Variants in CEP192 observed in about 807,000 individuals in gnomAD.
CEP192 encodes centrosomal protein 192, also known as centrosomal protein of 192 kDa.
Under a neutral mutation model 271.8 loss-of-function variants are expected in CEP192, and 151 were observed. That is an observed-to-expected ratio of 0.56 (90% CI 0.49 to 0.64). CEP192 has a LOEUF of 0.64. Among genes scored for constraint, CEP192 ranks in the 30% least tolerant of loss-of-function variants. The pLI is 0.00. For missense variants in CEP192, 2,910 were observed against 3,020.5 expected (o/e 0.96, Z 0.86); for synonymous variants, 995 against 1,076.5 (o/e 0.92, Z 1.48).
At chr18:13,011,531 G>GT (rs35197591) in intron 4 of CEP192, among the ~76,000 whole-genome samples, 18 of 151,428 alleles carry the variant, frequency 1.2e-4, no homozygotes, top group Middle Eastern at 3.4e-3. Flanking sequence ...GTTTTGTTTT[G>GT]TTTTTTTTTG....
At chr18:13,025,448 C>T (rs1438259293) in intron 9 of CEP192, among the ~76,000 whole-genome samples, 2 of 152,138 alleles carry the variant, frequency 1.3e-5, no homozygotes, top group African/African-American at 4.8e-5. Context: ...AGCTCCTGGC[C>T]TCAAGTGATT....
In CEP192 at chr18:13,040,830, C is replaced by T. The variant is rs1398219734; in HGVS notation, c.1810C>T (p.Pro604Ser). Residue 604 changes from proline to serine, a missense_variant and splice_region_variant, in exon 14 of 45, where the codon CCA becomes TCA. By Grantham distance (74) the Pro-to-Ser change is moderately conservative (BLOSUM62 -1). Coordinates refer to ENST00000506447, the MANE Select transcript of CEP192 (RefSeq NM_032142.4). ...CLGGGNNVKR[P>S]SFGYFIRSPE... Reference sequence around the variant, plus strand: ...TAATTTACCTTTAATTATTTTGTAGCCATCATTTGGCTATTTTATTAGATC... The same window carrying T: ...TAATTTACCTTTAATTATTTTGTAGTCATCATTTGGCTATTTTATTAGATC... The T allele has an allele frequency of 6.3e-7, 1 of 1,575,404 alleles. No homozygotes were observed. The highest frequency in any genetic ancestry group is 8.6e-7 in the Non-Finnish European group (1 of 1,159,344).
At chr18:13,006,921 G>A (rs776776890) in intron 3 of CEP192, among the ~76,000 whole-genome samples, 24 of 152,092 alleles carry the variant, frequency 1.6e-4, no homozygotes, top group Non-Finnish European at 3.5e-4. Context: ...GTTCACTGTC[G>A]TGTGTGCATG....
At chr18:12,994,592 G>T (rs188166003) in intron 1 of CEP192, among the ~76,000 whole-genome samples, 6 of 152,156 alleles carry the variant, frequency 3.9e-5, no homozygotes, top group Non-Finnish European at 7.3e-5. Context: ...GGGTAAGGTG[G>T]TAGTAATGGA....
At chr18:13,005,199 C>T (rs562270506) in intron 3 of CEP192, among the ~76,000 whole-genome samples, 7 of 152,196 alleles carry the variant, frequency 4.6e-5, no homozygotes, top group Admixed American at 6.5e-5. Flanking sequence ...TTGGGGGTAG[C>T]AATGTCCTCA....
intron 30 of CEP192, among the ~76,000 whole-genome samples, chr18:13,078,751 G>A (rs1301741922): frequency 2.6e-5 from 4 of 152,024 alleles, no homozygotes; most frequent in Middle Eastern, 3.4e-3. Flanking sequence ...CGTCATTTAC[G>A]TTAGGTATAT....
chr18:13,069,169 T>C lies in CEP192; in HGVS notation c.5043T>C (p.Tyr1681=). 1 of 1,613,932 alleles carries C rather than the reference T, an allele frequency of 6.2e-7. No individual in the cohort carries two copies. The highest frequency in any genetic ancestry group is 8.5e-7 in the Non-Finnish European group (1 of 1,179,786). Residue 1681 remains tyrosine, a synonymous_variant, in exon 26 of 45, where the codon TAT becomes TAC. Transcript: ENST00000506447. ...AAAATGCTGGGAACATTGAAGTTTA[T>C]TTGGATATCAAGGTATGCACTTCCA... ...PLKNAGNIEV[Y]LDIKVPEQGS...
intron 40 of CEP192, among the ~76,000 whole-genome samples, chr18:13,110,460 G>C (rs2040160111): frequency 6.6e-6 from 1 of 150,708 alleles, no homozygotes; most frequent in South Asian, 2.1e-4. Context: ...AGGGCACCAA[G>C]ACAGTTCAAT....
intron 21 of CEP192, among the ~76,000 whole-genome samples, chr18:13,065,175 GT>G (rs35939555): frequency 4.9e-4 from 70 of 144,078 alleles, no homozygotes; most frequent in African/African-American, 4.1e-4. Flanking sequence ...TCTAATAGTT[GT>G]TTTTTTTTTT....
intron 9 of CEP192, among the ~76,000 whole-genome samples, chr18:13,028,692 G>C (rs1211355350): frequency 6.6e-6 from 1 of 151,900 alleles, no homozygotes; most frequent in Non-Finnish European, 1.5e-5. Context: ...GCTAATTTTT[G>C]TATTTTTAGT....
rs777810858 is a variant in CEP192 at position 13,042,258 on chromosome 18, A to G, written c.1991A>G (p.Gln664Arg). The G allele has an allele frequency of 6.2e-7, 1 of 1,613,350 alleles. No homozygotes were observed. Among genetic ancestry groups the G allele is most frequent in the African/African-American group, 1.3e-5 (1 of 75,044 alleles). The change falls in exon 15 of 45, where the codon CAG becomes CGG. Residue 664 changes from glutamine to arginine, a missense_variant. Physicochemically the swap from Gln to Arg is conservative, Grantham distance 43 (BLOSUM62 1). Coordinates refer to ENST00000506447, the MANE Select transcript of CEP192 (RefSeq NM_032142.4). ...CTAAGTGAAGGATCAATTACACTTC[A>G]GGTTGAAGCAGTAGAGAGTACTTCA... ...AQLSEGSITL[Q>R]VEAVESTSQV...
chr18:13,055,819 G>T lies in CEP192; in HGVS notation c.3229G>T (p.Gly1077Cys), dbSNP rs2037064359. Residue 1077 changes from glycine to cysteine, a missense_variant, in exon 19 of 45, where the codon GGC (glycine) becomes TGC (cysteine). Gly to Cys is a radical substitution (Grantham distance 159, BLOSUM62 -3). Transcript: ENST00000506447. ...TSELSTTIIQ[G>C]SPAALEERAM... ...CGAGTTGAGTACCACAATTATTCAA[G>T]GCAGTCCAGCCGCATTGGAGGAACG... 2 of 1,600,182 alleles carry T rather than the reference G, an allele frequency of 1.2e-6. No individual in the cohort carries two copies. Among genetic ancestry groups the T allele is most frequent in the Non-Finnish European group, 1.7e-6 (2 of 1,174,396 alleles).
At position 13,124,547 on chromosome 18, in the gene CEP192, C is replaced by T. The variant is rs1446415351; in HGVS notation, c.7476-85C>T. On this transcript the variant is annotated intron_variant, in intron 44 of 44. Transcript: ENST00000506447. The stretch of plus-strand genomic sequence containing the variant: ...TGGCTTGACCGAGCTCTTTCCTCAA[C>T]ACCTGAGCCAGGCACTGTGCTGCCT... The T allele has an allele frequency of 8.2e-6, 11 of 1,344,404 alleles. No individual in the cohort carries two copies. In the East Asian group the frequency reaches 2.1e-4, roughly 26 times the overall value. The allele number at this position is 1,344,404 out of a possible 1,614,324, so 83.3% of individuals were successfully genotyped here. A position where few individuals can be genotyped will look rare whatever the true frequency, so the allele number is the denominator to read the frequency against.
rs747106836 is a variant in CEP192, at chr18:13,087,130, A to T, written c.5730A>T (p.Lys1910Asn). The stretch of plus-strand genomic sequence containing the variant: ...GCTTAGTACCTGGCAAAGAAAGTAA[A>T]ATTGTTTTTTCTGTCCGCAACACTG... ...VNGLVPGKES[K>N]IVFSVRNTGS... The change falls in exon 31 of 45, where the codon AAA (lysine) becomes AAT (asparagine). Residue 1910 changes from lysine to asparagine, a missense_variant. Lys to Asn is a moderately conservative substitution (Grantham distance 94). Coordinates refer to ENST00000506447, the MANE Select transcript of CEP192 (RefSeq NM_032142.4). 3.1e-6 allele frequency: 5 copies of T among 1,614,108 alleles called. No individual in the cohort carries two copies. Among genetic ancestry groups the T allele is most frequent in the Admixed American group, 1.7e-5 (1 of 60,014 alleles).
At chr18:13,083,696 G>A (rs2038746435) in intron 30 of CEP192, among the ~76,000 whole-genome samples, 1 of 152,172 alleles carries the variant, frequency 6.6e-6, no homozygotes, top group African/African-American at 2.4e-5. Flanking sequence ...GAGAAGAGGT[G>A]CTCTGGTTTT....
rs143293076 is a variant in CEP192, at chr18:13,026,051, G to A, written c.1051-3612G>A. On this transcript the variant is annotated intron_variant, in intron 9 of 44. Transcript: ENST00000506447. The stretch of plus-strand genomic sequence containing the variant: ...AAATTTCTTGCAAGGCAGGTCTGCT[G>A]GCAACAAATGCCTTCAATTTTTGCT... Among the ~76,000 whole-genome samples, 290 of 152,286 alleles carry A rather than the reference G, an allele frequency of 1.9e-3. 6 individuals are homozygous for A. In the East Asian group the frequency reaches 0.037, roughly 19 times the overall value.
rs1165782893 is a variant in CEP192 at position 13,015,747 on chromosome 18, AT to A, written c.640+315del. On this transcript the variant is annotated intron_variant, in intron 6 of 44. Coordinates refer to ENST00000506447, the MANE Select transcript of CEP192 (RefSeq NM_032142.4). ...GTTTAGAAATTAGGGGAACCATGAA[AT>A]TTTTTTTTTTTTTTTGAGATGGAAT... Among the ~76,000 whole-genome samples, 331 of 142,954 alleles carry A rather than the reference AT, an allele frequency of 2.3e-3. 1 individual carries two copies. Among genetic ancestry groups the A allele is most frequent in the Admixed American group, 4.1e-3 (58 of 14,188 alleles). 93.8% of individuals were successfully genotyped at this position (142,954 alleles called of 152,430 possible). A position where few individuals can be genotyped will look rare whatever the true frequency, so the allele number is the denominator to read the frequency against.
At chr18:13,015,819 C>A (rs930629124) in intron 6 of CEP192, among the ~76,000 whole-genome samples, 2 of 147,906 alleles carry the variant, frequency 1.4e-5, no homozygotes, top group African/African-American at 5.0e-5. Flanking sequence ...GATCTCGGCT[C>A]ACCACAACCT....
intron 34 of CEP192, among the ~76,000 whole-genome samples, chr18:13,094,450 TG>T (rs1201876471): frequency 1.2e-4 from 19 of 152,334 alleles, no homozygotes; most frequent in African/African-American, 4.6e-4. Context: ...GGTGCAGTGT[TG>T]ATCCTTCACT....
Sources: gnomAD v4.1 joint callset for allele counts (sites outside exome capture counted in the v4.1 genomes callset) on GRCh38, gnomAD v4.1.1 for gene constraint, MANE v1.5 for transcripts, NCBI Gene and HGNC (gene_info 2026-07-23, HGNC 2026-07-21) for gene names.